ZNF148: variants seen among roughly 807,000 people sequenced by gnomAD.
ZNF148 encodes zinc finger protein 148, also known as Beta-Enolase Repressor Factor-1.
Under a neutral mutation model 67.7 loss-of-function variants are expected in ZNF148, and 7 were observed. That is an observed-to-expected ratio of 0.10 (90% CI 0.06 to 0.19). The LOEUF (loss-of-function observed/expected upper bound fraction) is 0.19. Among genes scored for constraint, ZNF148 ranks in the 10% least tolerant of loss-of-function variants. The pLI is 1.00. For synonymous variants in ZNF148, 333 were observed against 330.7 expected (o/e 1.01, Z -0.08); for missense variants, 583 against 947.1 (o/e 0.62, Z 5.05).
Position 125,233,862 on chromosome 3 carries a change from A to G in ZNF148, c.864T>C (p.Cys288=). The part of the protein sequence containing the change: ...HENHDKKLNR[C]AIKGGLLTSE... ...ATGTCAGAAGGCCACCTTTGATGGC[A>G]CATCTATTTAGTTTTTTGTCATGAT... The change falls in exon 9 of 9, where the codon TGT becomes TGC. Residue 288 remains cysteine (C), a synonymous_variant. Coordinates refer to ENST00000360647, the MANE Select transcript of ZNF148 (RefSeq NM_021964.3). The surrounding 1 kb of genome is among the most constrained non-coding windows in gnomAD (Gnocchi z 5.1). 1 of 1,613,324 alleles carries G rather than the reference A, an allele frequency of 6.2e-7. No individual in the cohort carries two copies. Among genetic ancestry groups the G allele is most frequent in the Non-Finnish European group, 8.5e-7 (1 of 1,179,794 alleles).
intron 2 of ZNF148, among the ~76,000 whole-genome samples, chr3:125,330,931 T>C (rs1941263975): frequency 6.6e-6 from 1 of 152,170 alleles, no homozygotes; most frequent in Non-Finnish European, 1.5e-5. Context: ...ATAATTGACT[T>C]CATCTTATAA....
chr3:125,305,267 T>G (rs1201713366), intron 4 of ZNF148, among the ~76,000 whole-genome samples: 1 of 152,180 alleles, frequency 6.6e-6, no homozygotes, highest in Non-Finnish European at 1.5e-5. Context: ...GATGCTTAAC[T>G]TAAATATCCT....
chr3:125,250,910 T>C (rs1392577064), intron 7 of ZNF148, among the ~76,000 whole-genome samples: 1 of 152,222 alleles, frequency 6.6e-6, no homozygotes, highest in Non-Finnish European at 1.5e-5. Flanking sequence ...ATTATCATTA[T>C]GGATCTTTTC....
intron 5 of ZNF148, among the ~76,000 whole-genome samples, chr3:125,282,045 T>A (rs1218892579): frequency 6.6e-6 from 1 of 152,194 alleles, no homozygotes; most frequent in Non-Finnish European, 1.5e-5. Flanking sequence ...TAACAATTAC[T>A]CCTCCTAGCT....
At chr3:125,251,826 A>C (rs1330045201) in intron 7 of ZNF148, among the ~76,000 whole-genome samples, 3 of 152,222 alleles carry the variant, frequency 2.0e-5, no homozygotes, top group Non-Finnish European at 2.9e-5. Context: ...CTAGGAGTGG[A>C]AATGGCAGAT....
chr3:125,289,972 C>A lies in ZNF148; in HGVS notation c.334-1744G>T, dbSNP rs140886414. 5.3e-3 allele frequency among the ~76,000 whole-genome samples: 810 copies of A among 151,828 alleles called. 10 individuals are homozygous for A. Among genetic ancestry groups the A allele is most frequent in the African/African-American group, 0.019 (771 of 41,388 alleles). ...TGATTTTCACCTAGTCCCATTAGTA[C>A]CCTCATGCTTATTTGCAGGCCTGAA... On this transcript the variant is annotated intron_variant, in intron 4 of 8. Transcript: ENST00000360647.
intron 4 of ZNF148, among the ~76,000 whole-genome samples, chr3:125,288,581 G>A (rs956590737): frequency 4.0e-5 from 6 of 151,652 alleles, no homozygotes; most frequent in South Asian, 2.1e-4. Context: ...AGTTAAAAGC[G>A]CACAAAAAAG....
intron 3 of ZNF148, among the ~76,000 whole-genome samples, chr3:125,321,800 T>C (rs185156646): frequency 6.6e-6 from 1 of 152,218 alleles, no homozygotes; most frequent in African/African-American, 2.4e-5. Flanking sequence ...ATAGTTTCTG[T>C]AATCTTACAT....
intron 7 of ZNF148, among the ~76,000 whole-genome samples, chr3:125,253,070 T>G (rs1936915206): frequency 6.6e-6 from 1 of 152,218 alleles, no homozygotes; most frequent in Non-Finnish European, 1.5e-5. Context: ...TATTTGATAT[T>G]TTAACTGAAA....
At chr3:125,343,374 CT>C (rs1941810405) in intron 1 of ZNF148, among the ~76,000 whole-genome samples, 1 of 152,284 alleles carries the variant, frequency 6.6e-6, no homozygotes, top group Admixed American at 6.5e-5. Flanking sequence ...GGACTAGGGA[CT>C]TGGAGAACTT....
At chr3:125,355,472 G>A (rs766662004) in intron 1 of ZNF148, among the ~76,000 whole-genome samples, 2 of 152,182 alleles carry the variant, frequency 1.3e-5, no homozygotes, top group South Asian at 2.1e-4. Context: ...TCTGGTTTGA[G>A]AACTATTGCA....
At chr3:125,345,950 A>C (rs1443609766) in intron 1 of ZNF148, among the ~76,000 whole-genome samples, 1 of 152,182 alleles carries the variant, frequency 6.6e-6, no homozygotes, top group African/African-American at 2.4e-5. Context: ...CTCTTCCCAA[A>C]ACTTGGGGAG....
intron 5 of ZNF148, among the ~76,000 whole-genome samples, chr3:125,285,210 T>C (rs1282778561): frequency 1.3e-5 from 2 of 152,206 alleles, no homozygotes; most frequent in Non-Finnish European, 2.9e-5. Context: ...CCTCTAGGCA[T>C]AATAAATCAT....
rs114245353 is a variant in ZNF148, at chr3:125,299,404, C to T, written c.334-11176G>A. On this transcript the variant is annotated intron_variant, in intron 4 of 8. Transcript: ENST00000360647. ...TGGAAACCGGCTGTGGTGACTTACA[C>T]CTGTAATCCCAACACTTTGAGAGGC... 1.9e-3 allele frequency among the ~76,000 whole-genome samples: 291 copies of T among 152,284 alleles called. 3 individuals are homozygous for T. The highest frequency in any genetic ancestry group is 6.3e-3 in the African/African-American group (261 of 41,560).
intron 1 of ZNF148, among the ~76,000 whole-genome samples, chr3:125,365,959 A>G (rs71325834): frequency 4.6e-5 from 7 of 152,214 alleles, no homozygotes; most frequent in Admixed American, 2.6e-4. Flanking sequence ...TATCTCCAGT[A>G]GCCACCTAAC....
At chr3:125,258,221 A>G (rs904852660) in intron 7 of ZNF148, among the ~76,000 whole-genome samples, 41 of 151,864 alleles carry the variant, frequency 2.7e-4, no homozygotes, top group South Asian at 1.5e-3. Context: ...AGGAGATCGA[A>G]ACCATCCTGG....
chr3:125,285,371 A>G (rs1404521522), intron 5 of ZNF148, among the ~76,000 whole-genome samples: 1 of 152,148 alleles, frequency 6.6e-6, no homozygotes, highest in Non-Finnish European at 1.5e-5. Flanking sequence ...ATTTTTATAT[A>G]CACTCCTGAG....
At chr3:125,371,349 CCT>C (rs1192291956) in intron 1 of ZNF148, among the ~76,000 whole-genome samples, 2 of 94,432 alleles carry the variant, frequency 2.1e-5, no homozygotes, top group Non-Finnish European at 3.9e-5. Flanking sequence ...AAAGTGAGAC[CCT>C]GTTTCAAAAA....
intron 4 of ZNF148, among the ~76,000 whole-genome samples, chr3:125,300,798 T>C (rs200821253): frequency 1.9e-3 from 18 of 9,256 alleles, no homozygotes; most frequent in Non-Finnish European, 2.6e-4. Flanking sequence ...GCAGCATACA[T>C]CACTGTGAAT....
Sources: allele counts gnomAD v4.1 joint callset (sites outside exome capture counted in the v4.1 genomes callset), GRCh38; gene constraint gnomAD v4.1.1; non-coding constraint Gnocchi (gnomAD v3.1); transcripts MANE v1.5; gene names NCBI Gene and HGNC (gene_info 2026-07-23, HGNC 2026-07-21).